AP3D1: variants seen among roughly 807,000 people sequenced by gnomAD.
The protein encoded by AP3D1 is adaptor related protein complex 3 subunit delta 1, also known as AP-3 complex subunit delta-1.
AP3D1 carries 51 observed loss-of-function variants against 147.6 expected under a neutral mutation model. The observed-to-expected ratio is 0.35, with a 90% CI of 0.28 to 0.44. AP3D1 has a LOEUF of 0.44. Among genes scored for constraint, AP3D1 ranks in the 20% least tolerant of loss-of-function variants. The pLI is 1.00. For synonymous variants in AP3D1, 760 were observed against 663.0 expected (o/e 1.15, Z -2.25); for missense variants, 1,421 against 1,624.2 (o/e 0.87, Z 2.15).
chr19:2,115,798 G>A (rs577556122), intron 18 of AP3D1, among the ~76,000 whole-genome samples, 185 bp from the exon 19 acceptor site: 6 of 152,398 alleles, frequency 3.9e-5, no homozygotes, highest in African/African-American at 9.6e-5. Context: ...CTTTAAGACA[G>A]TGAGGACTGG....
intron 6 of AP3D1, 80 bp downstream of exon 6, chr19:2,130,328 C>CAAA: frequency 6.3e-7 from 1 of 1,590,744 alleles, no homozygotes. Flanking sequence ...CAGCACCCCC[C>CAAA]AAAACACGCC....
rs2074959 is a variant in AP3D1 at position 2,111,650 on chromosome 19, T to C, written c.2937+29A>G. On this transcript the variant is annotated intron_variant, in intron 25 of 31. Transcript: ENST00000643116. ...GCACAGCCCGCCAGGAACCCCGGCG[T>C]GGGGCGGGGGCGCTGAAGTACCCCT... The C allele has an allele frequency of 0.25, 386,432 of 1,558,804 alleles. 51,594 individuals carry two copies. The highest frequency in any genetic ancestry group is 0.48 in the African/African-American group (35,082 of 73,754).
chr19:2,125,364 G>A (rs1469823474), intron 9 of AP3D1, among the ~76,000 whole-genome samples: 1 of 152,172 alleles, frequency 6.6e-6, no homozygotes, highest in African/African-American at 2.4e-5. Context: ...TGCCCAGGCT[G>A]GAGTGCAACG....
Position 2,110,740 on chromosome 19 carries a change from C to T in AP3D1, c.3142G>A (p.Asp1048Asn), listed in dbSNP as rs200108136. ...AGCTGGAAAGGCACGGGGACGCCAT[C>T]GTGGACGGAGGAGCCCTGCGGCCGG... ...MARPQGSSVH[D>N]GVPVPFQLPP... is the part of the protein sequence containing the mutation. Residue 1048 changes from aspartate (D) to asparagine (N), a missense_variant, in exon 27 of 32, where the codon GAT becomes AAT. Physicochemically the swap from Asp to Asn is conservative, Grantham distance 23. This residue lies in a region of AP3D1 where 791 missense variants were observed against 761.4 expected (regional missense o/e 1.04). Transcript: ENST00000643116. 114 of 1,608,930 alleles carry T rather than the reference C, an allele frequency of 7.1e-5. No homozygotes were observed. The highest frequency in any genetic ancestry group is 5.5e-5 in the South Asian group (5 of 90,376).
intron 1 of AP3D1, among the ~76,000 whole-genome samples, chr19:2,148,096 C>G (rs1486438156): frequency 6.9e-6 from 1 of 144,184 alleles, no homozygotes; most frequent in Non-Finnish European, 1.5e-5. Flanking sequence ...GCAGTGAGCC[C>G]AGATCGCACC....
At chr19:2,123,682 C>G (rs1283569589) in intron 10 of AP3D1, 148 bp downstream of exon 10, 2 of 960,438 alleles carry the variant, frequency 2.1e-6, no homozygotes, top group Admixed American at 2.1e-5. Flanking sequence ...GTAGGTAGTG[C>G]ACACAGGACG....
chr19:2,160,434 C>T (rs2019686991), intron 1 of AP3D1, among the ~76,000 whole-genome samples: 1 of 152,068 alleles, frequency 6.6e-6, no homozygotes, highest in South Asian at 2.1e-4. Flanking sequence ...GAGGCTGAGG[C>T]AGGAGAATCG....
chr19:2,140,408 A>T (rs1224844130), intron 1 of AP3D1, among the ~76,000 whole-genome samples: 1 of 152,094 alleles, frequency 6.6e-6, no homozygotes, highest in Non-Finnish European at 1.5e-5. Flanking sequence ...TGAAACAGGA[A>T]CAGCCCCCAC....
Position 2,120,851 on chromosome 19 carries a change from C to G in AP3D1, c.1481+11G>C. 1 of 1,602,344 alleles carries G rather than the reference C, an allele frequency of 6.2e-7. No homozygotes were observed. Among genetic ancestry groups the G allele is most frequent in the South Asian group, 1.1e-5 (1 of 90,990 alleles). ...AGAAGCTGCCAGCCCAGAGGCCCAG[C>G]GCCCACTCACTCTGAGAACTCCCCG... is the stretch of plus-strand genomic sequence containing the variant. On this transcript the variant is annotated intron_variant, in intron 14 of 31. Transcript: ENST00000643116.
Position 2,102,139 on chromosome 19 carries a change from C to T in AP3D1, c.*34G>A, listed in dbSNP as rs774982238. The T allele has an allele frequency of 1.3e-6, 2 of 1,564,998 alleles. No individual in the cohort carries two copies. The highest frequency in any genetic ancestry group is 3.3e-5 in the Admixed American group (2 of 59,806). ...CAGGGCTGCGGTCCCTGGGTACGTG[C>T]TCCGCGGGGTGGTGCGGGGCTCGCA... On this transcript the variant is annotated 3_prime_UTR_variant, in exon 32 of 32. Coordinates refer to ENST00000643116, the MANE Select transcript of AP3D1 (RefSeq NM_001261826.3).
At chr19:2,153,661 C>G (rs1599505255), upstream of AP3D1, among the ~76,000 whole-genome samples, 1 of 137,946 alleles carries the variant, frequency 7.2e-6, no homozygotes, top group African/African-American at 2.7e-5. Flanking sequence ...GGAGACAGAG[C>G]AAGATTCCGT....
chr19:2,110,059 G>T, intron 28 of AP3D1, 77 bp downstream of exon 28: 1 of 1,587,420 alleles, frequency 6.3e-7, no homozygotes, highest in African/African-American at 1.3e-5. Flanking sequence ...GGGACACCTG[G>T]ACACCCACTG....
chr19:2,116,858 G>A, intron 16 of AP3D1, 112 bp from the exon 17 acceptor site: 2 of 1,362,892 alleles, frequency 1.5e-6, no homozygotes, highest in Non-Finnish European at 2.0e-6. Flanking sequence ...CCCAAACAGT[G>A]GGGCCTGCCA....
intron 1 of AP3D1, among the ~76,000 whole-genome samples, chr19:2,163,063 T>A (rs1274866829): frequency 2.0e-5 from 3 of 152,010 alleles, no homozygotes; most frequent in Non-Finnish European, 4.4e-5. Flanking sequence ...TTAATTAAAT[T>A]AATTAATTAA....
intron 18 of AP3D1, 109 bp downstream of exon 18, chr19:2,116,098 C>G (rs2018440089): frequency 2.7e-6 from 3 of 1,094,374 alleles, no homozygotes; most frequent in African/African-American, 1.6e-5. Context: ...GGCCCCAGCT[C>G]CATTCCCAGG....
At chr19:2,104,928 G>C (rs2018069154) in intron 31 of AP3D1, among the ~76,000 whole-genome samples, 1 of 151,986 alleles carries the variant, frequency 6.6e-6, no homozygotes, top group African/African-American at 2.4e-5. Flanking sequence ...TCCTGCCTCA[G>C]CCTCCCAAGT....
chr19:2,117,804 C>T (rs1286568493), intron 15 of AP3D1, among the ~76,000 whole-genome samples: 3 of 152,258 alleles, frequency 2.0e-5, no homozygotes, highest in Non-Finnish European at 4.4e-5. Flanking sequence ...CGGGGCCACG[C>T]CCCATGCAGC....
intron 31 of AP3D1, among the ~76,000 whole-genome samples, chr19:2,108,096 C>G (rs1316872977): frequency 6.6e-5 from 10 of 152,116 alleles, no homozygotes; most frequent in Admixed American, 6.5e-4. Context: ...GAAGAAATGC[C>G]ACTTATCACA....
chr19:2,114,383 T>A lies in AP3D1; in HGVS notation c.2424-81A>T, dbSNP rs915984047. ...ACTCAGTACATGCCGTGTCCAAGCA[T>A]GTGGCAGTGCGGGACCTGCTCCTCC... On this transcript the variant is annotated intron_variant, in intron 21 of 31. Coordinates refer to ENST00000643116, the MANE Select transcript of AP3D1 (RefSeq NM_001261826.3). The A allele has an allele frequency of 3.8e-5, 47 of 1,240,034 alleles. No homozygotes were observed. The Middle Eastern group carries it at 7.9e-4, about 21-fold the overall frequency. The allele number at this position is 1,240,034 out of a possible 1,614,324, so 76.8% of individuals were successfully genotyped here. A position where few individuals can be genotyped will look rare whatever the true frequency, so the allele number is the denominator to read the frequency against.
Sources: gnomAD v4.1 joint callset for allele counts (sites outside exome capture counted in the v4.1 genomes callset) on GRCh38, gnomAD v4.1.1 for gene constraint, gnomAD v4.1.1 regional missense constraint, MANE v1.5 for transcripts, NCBI Gene and HGNC (gene_info 2026-07-23, HGNC 2026-07-21) for gene names.